The following SERINC5 variants were observed in gnomAD, a reference collection of about 807,000 sequenced individuals.
SERINC5 encodes chromosome 5 open reading frame 12.
A neutral mutation model predicts 63.1 loss-of-function variants in SERINC5; 41 were observed. That is an observed-to-expected ratio of 0.65 (90% CI 0.51 to 0.84). The LOEUF (loss-of-function observed/expected upper bound fraction) is 0.84, where lower values mean the gene tolerates loss of function less well. Ranked by LOEUF, SERINC5 falls within the 40% of genes least tolerant of loss-of-function variation. SERINC5 has a pLI of 0.00. For missense variants in SERINC5, 523 were observed against 573.0 expected, an observed-to-expected ratio of 0.91 and a Z score of 0.89; for synonymous variants, 222 against 215.2, an observed-to-expected ratio of 1.03 and a Z score of -0.28.
At chr5:80,200,544 A>T (rs1208304992) in intron 2 of SERINC5, among the ~76,000 whole-genome samples, 1 of 152,094 alleles carries the variant, frequency 6.6e-6, no homozygotes, top group Admixed American at 6.5e-5. Flanking sequence ...TCTGAATTAT[A>T]AGCTCCATTT....
At chr5:80,143,933 G>A (rs1221633445) in intron 11 of SERINC5, 123 bp from the exon 12 acceptor site, 4 of 1,173,238 alleles carry the variant, frequency 3.4e-6, no homozygotes, top group African/African-American at 3.0e-5. Context: ...ACAGACTTGT[G>A]CTACCATCAA....
At chr5:80,187,856 C>A (rs527873626) in intron 2 of SERINC5, among the ~76,000 whole-genome samples, 93 of 152,238 alleles carry the variant, frequency 6.1e-4, no homozygotes, top group Non-Finnish European at 1.0e-3. Flanking sequence ...TCTAAGCAAA[C>A]CGTTATACAA....
At chr5:80,114,130 C>T (rs183989186) in intron 11 of SERINC5, among the ~76,000 whole-genome samples, 7 of 152,154 alleles carry the variant, frequency 4.6e-5, no homozygotes, top group Non-Finnish European at 8.8e-5. Flanking sequence ...TAAACGTCTT[C>T]ACCTAACCAA....
intron 11 of SERINC5, chr5:80,128,819 T>C (rs934403171): frequency 6.6e-6 from 1 of 152,164 alleles, no homozygotes; most frequent in African/African-American, 2.4e-5. Flanking sequence ...TGGAACATTA[T>C]AAGGAAATCC....
intron 5 of SERINC5, among the ~76,000 whole-genome samples, chr5:80,173,381 G>A (rs934835107): frequency 6.6e-6 from 1 of 152,058 alleles, no homozygotes; most frequent in Non-Finnish European, 1.5e-5. Context: ...GGATCACCAG[G>A]TCAGGAGATC....
chr5:80,127,598 T>C (rs1204420640), intron 11 of SERINC5, among the ~76,000 whole-genome samples: 1 of 152,202 alleles, frequency 6.6e-6, no homozygotes, highest in Non-Finnish European at 1.5e-5. Flanking sequence ...CCTTTATGCA[T>C]TGAAATAAAT....
At chr5:80,153,538 A>G (rs888097980) in intron 8 of SERINC5, among the ~76,000 whole-genome samples, 1 of 152,148 alleles carries the variant, frequency 6.6e-6, no homozygotes, top group Admixed American at 6.5e-5. Flanking sequence ...GCTATTACAA[A>G]GACCACTGTT....
intron 6 of SERINC5, among the ~76,000 whole-genome samples, chr5:80,167,413 T>C (rs903333602): frequency 2.0e-5 from 3 of 152,222 alleles, no homozygotes; most frequent in African/African-American, 7.2e-5. Context: ...GGACATGATC[T>C]CTTTCCTTTT....
chr5:80,183,670 C>CA (rs1748603831), intron 2 of SERINC5, among the ~76,000 whole-genome samples: 1 of 151,790 alleles, frequency 6.6e-6, no homozygotes, highest in Non-Finnish European at 1.5e-5. Context: ...TCTCCTGGCT[C>CA]AGAAGCTCCC....
intron 2 of SERINC5, among the ~76,000 whole-genome samples, chr5:80,191,692 A>C (rs1396793129): frequency 2.0e-5 from 3 of 149,622 alleles, no homozygotes; most frequent in Non-Finnish European, 4.4e-5. Flanking sequence ...AAAAAAAAAA[A>C]GACTTTTTTT....
chr5:80,212,672 G>C (rs115671481), intron 1 of SERINC5, among the ~76,000 whole-genome samples: 2 of 137,332 alleles, frequency 1.5e-5, no homozygotes, highest in East Asian at 4.7e-4. Flanking sequence ...GGGTGGGGGG[G>C]GGGTGTTGGT....
At chr5:80,241,274 T>G (rs187626448) in intron 1 of SERINC5, among the ~76,000 whole-genome samples, 18 of 151,854 alleles carry the variant, frequency 1.2e-4, no homozygotes, top group East Asian at 1.2e-3. Context: ...ATCGAGACCA[T>G]CCTGGCCAAC....
chr5:80,211,956 T>C (rs984646885), intron 1 of SERINC5, among the ~76,000 whole-genome samples: 1 of 152,242 alleles, frequency 6.6e-6, no homozygotes, highest in South Asian at 2.1e-4. Context: ...TGCTTGAGTT[T>C]TGGGGAGTAT....
chr5:80,147,216 G>A, intron 10 of SERINC5, 29 bp downstream of exon 10: 5 of 1,581,334 alleles, frequency 3.2e-6, no homozygotes, highest in Non-Finnish European at 4.3e-6. Context: ...GTGCCACACA[G>A]GTGCAAAGAA....
At chr5:80,203,350 C>G (rs1326953430) in intron 1 of SERINC5, 1 of 152,536 alleles carries the variant, frequency 6.6e-6, no homozygotes, top group Non-Finnish European at 1.4e-5. Flanking sequence ...TACACACATG[C>G]ACATATACAC....
intron 1 of SERINC5, among the ~76,000 whole-genome samples, chr5:80,229,331 T>C (rs1388908205): frequency 6.8e-6 from 1 of 147,492 alleles, no homozygotes; most frequent in East Asian, 2.0e-4. Context: ...GCATTTTACA[T>C]ACTTACACAA....
At position 80,142,189 on chromosome 5, in the gene SERINC5, T is replaced by G. The variant is rs1296517369; in HGVS notation, c.*1474A>C. 1 of 985,310 alleles carries G rather than the reference T, an allele frequency of 1.0e-6. No homozygotes were observed. The highest frequency in any genetic ancestry group is 1.7e-5 in the African/African-American group (1 of 57,246). 61.0% of individuals were successfully genotyped at this position (985,310 alleles called of 1,614,324 possible). The stretch of plus-strand genomic sequence containing the variant: ...GTTTCCACCAAGTAAACCTTTTCCC[T>G]GCCTGAATACATCAACACTGAAAAT... On this transcript the variant is annotated 3_prime_UTR_variant, in exon 12 of 12. Coordinates refer to ENST00000507668, the MANE Select transcript of SERINC5 (RefSeq NM_001174072.3).
At chr5:80,203,245 A>AATATATATACACATATAT (rs1749960897) in intron 1 of SERINC5, 192 bp from the exon 2 acceptor site, 1 of 468,154 alleles carries the variant, frequency 2.1e-6, no homozygotes, top group African/African-American at 2.0e-5. Flanking sequence ...TCTCTAAATA[A>AATATATATACACATATAT]ATATATATAC....
At chr5:80,173,506 A>G (rs1022662464) in intron 5 of SERINC5, among the ~76,000 whole-genome samples, 2 of 152,108 alleles carry the variant, frequency 1.3e-5, no homozygotes, top group African/African-American at 4.8e-5. Context: ...TGAGGCAGGA[A>G]AATGGCACGA....
Sources: gnomAD v4.1 joint callset for allele counts (sites outside exome capture counted in the v4.1 genomes callset) on GRCh38, gnomAD v4.1.1 for gene constraint, MANE v1.5 for transcripts, NCBI Gene and HGNC (gene_info 2026-07-23, HGNC 2026-07-21) for gene names.